CPNE4: variants seen among roughly 807,000 people sequenced by gnomAD.
The protein encoded by CPNE4 is copine 4, also known as copine-4.
A neutral mutation model predicts 67.9 loss-of-function variants in CPNE4; 25 were observed. The observed-to-expected ratio is 0.37, with a 90% CI of 0.27 to 0.51. The LOEUF (loss-of-function observed/expected upper bound fraction) is 0.51. Ranked by LOEUF, CPNE4 falls within the 20% of genes least tolerant of loss-of-function variation. The pLI, the probability that CPNE4 is intolerant of heterozygous loss-of-function variation, is 0.93. For synonymous variants in CPNE4, 242 were observed against 244.9 expected (o/e 0.99, Z 0.11); for missense variants, 464 against 690.8 (o/e 0.67, Z 3.68).
intron 2 of CPNE4, among the ~76,000 whole-genome samples, chr3:131,863,711 T>G (rs1027502219): frequency 3.9e-5 from 6 of 152,190 alleles, no homozygotes; most frequent in Middle Eastern, 3.2e-3. Flanking sequence ...TTAGTTTAAT[T>G]AGATCCCATT....
intron 1 of CPNE4, among the ~76,000 whole-genome samples, chr3:132,010,529 T>G (rs1438793954): frequency 6.6e-6 from 1 of 152,110 alleles, no homozygotes; most frequent in African/African-American, 2.4e-5. Context: ...GGGCACCTAA[T>G]TGACATTTAT....
chr3:131,852,674 CA>C (rs571265126), intron 2 of CPNE4, among the ~76,000 whole-genome samples: 26 of 144,222 alleles, frequency 1.8e-4, no homozygotes, highest in Admixed American at 2.8e-4. Context: ...GTGCAACAGA[CA>C]AAAAAAAAAT....
intron 7 of CPNE4, among the ~76,000 whole-genome samples, chr3:131,592,352 G>C (rs1938584909): frequency 6.6e-6 from 1 of 152,134 alleles, no homozygotes; most frequent in African/African-American, 2.4e-5. Flanking sequence ...CTAACACTAG[G>C]TAATCCTTGA....
At chr3:131,682,098 G>T (rs2080773079) in intron 6 of CPNE4, among the ~76,000 whole-genome samples, 1 of 151,900 alleles carries the variant, frequency 6.6e-6, no homozygotes, top group South Asian at 2.1e-4. Context: ...TATCTGAAAG[G>T]TCACATAACT....
intron 2 of CPNE4, among the ~76,000 whole-genome samples, chr3:131,816,853 G>A (rs1409316088): frequency 6.6e-6 from 1 of 152,082 alleles, no homozygotes; most frequent in Non-Finnish European, 1.5e-5. Context: ...CATGACCCAA[G>A]GTCTATGATT....
At chr3:131,813,073 C>G (rs1161804281) in intron 2 of CPNE4, among the ~76,000 whole-genome samples, 2 of 152,080 alleles carry the variant, frequency 1.3e-5, no homozygotes, top group Non-Finnish European at 2.9e-5. Flanking sequence ...ATTATATTGA[C>G]TTAATTGTCT....
At chr3:131,711,284 G>A (rs1378531231) in intron 3 of CPNE4, among the ~76,000 whole-genome samples, 1 of 152,190 alleles carries the variant, frequency 6.6e-6, no homozygotes, top group Non-Finnish European at 1.5e-5. Flanking sequence ...GCCTGCTCTG[G>A]TTGGCTAAAC....
chr3:131,565,768 T>A (rs571638357), intron 10 of CPNE4, among the ~76,000 whole-genome samples: 1 of 151,712 alleles, frequency 6.6e-6, no homozygotes, highest in African/African-American at 2.4e-5. Context: ...ATACCCAGAT[T>A]TCTTAAAATC....
intron 2 of CPNE4, among the ~76,000 whole-genome samples, chr3:131,756,541 G>A (rs935407006): frequency 6.6e-6 from 1 of 152,166 alleles, no homozygotes; most frequent in Admixed American, 6.5e-5. Context: ...CTTGGGATGG[G>A]AAAAATGAAT....
At chr3:131,595,762 C>T (rs1938804982) in intron 7 of CPNE4, among the ~76,000 whole-genome samples, 1 of 152,170 alleles carries the variant, frequency 6.6e-6, no homozygotes, top group Admixed American at 6.5e-5. Context: ...CAAACACCTC[C>T]CACCAAGCCC....
intron 3 of CPNE4, among the ~76,000 whole-genome samples, chr3:131,721,489 G>A (rs889687575): frequency 6.8e-6 from 1 of 147,562 alleles, no homozygotes; most frequent in Non-Finnish European, 1.5e-5. Context: ...TCCGCCTTCC[G>A]GGTTCACGCC....
At chr3:131,821,249 T>G (rs761007781) in intron 2 of CPNE4, among the ~76,000 whole-genome samples, 2 of 152,224 alleles carry the variant, frequency 1.3e-5, no homozygotes, top group Non-Finnish European at 2.9e-5. Context: ...ATTTCTTGGT[T>G]GCAAGCAATA....
chr3:132,021,757 C>G (rs2074001547), intron 1 of CPNE4, among the ~76,000 whole-genome samples: 1 of 152,132 alleles, frequency 6.6e-6, no homozygotes, highest in South Asian at 2.1e-4. Flanking sequence ...CTCAAACCTC[C>G]CCATTCATAG....
chr3:131,660,750 T>C (rs746042824), intron 7 of CPNE4, among the ~76,000 whole-genome samples: 14 of 152,200 alleles, frequency 9.2e-5, no homozygotes, highest in African/African-American at 3.4e-4. Context: ...TGTCTCCCTG[T>C]GGAAGAGCCA....
At chr3:131,873,008 G>A (rs967721134) in intron 2 of CPNE4, among the ~76,000 whole-genome samples, 7 of 152,154 alleles carry the variant, frequency 4.6e-5, no homozygotes, top group Admixed American at 6.5e-5. Flanking sequence ...GCTTCAGGCC[G>A]CTAAGGTTTG....
chr3:131,894,529 AT>A (rs1045614725), intron 2 of CPNE4, among the ~76,000 whole-genome samples: 10 of 151,992 alleles, frequency 6.6e-5, no homozygotes, highest in South Asian at 2.1e-4. Context: ...ATTAAAAAAA[AT>A]AACGTGATTT....
chr3:131,946,529 C>G (rs1369065404), intron 1 of CPNE4, among the ~76,000 whole-genome samples: 2 of 152,026 alleles, frequency 1.3e-5, no homozygotes, highest in East Asian at 3.9e-4. Context: ...GCTTGTTGGC[C>G]CTTTGTCTGT....
intron 1 of CPNE4, among the ~76,000 whole-genome samples, chr3:132,002,689 C>G (rs2073486321): frequency 6.6e-6 from 1 of 152,022 alleles, no homozygotes; most frequent in Admixed American, 6.6e-5. Context: ...TTGGACATTT[C>G]TGTTCTTGGT....
chr3:131,696,981 A>C (rs74598364), intron 4 of CPNE4, among the ~76,000 whole-genome samples: 20,780 of 152,232 alleles, frequency 0.14, 1,637 homozygotes, highest in African/African-American at 0.2. Flanking sequence ...ATTACAGAGA[A>C]GGAAAAACAG....
Sources: gnomAD v4.1 joint callset for allele counts (sites outside exome capture counted in the v4.1 genomes callset) on GRCh38, gnomAD v4.1.1 for gene constraint, MANE v1.5 for transcripts, NCBI Gene and HGNC (gene_info 2026-07-23, HGNC 2026-07-21) for gene names.